The following CNTLN variants were observed in gnomAD, a reference collection of about 807,000 sequenced individuals.
The protein encoded by CNTLN is centlein, centrosomal protein.
Under a neutral mutation model 180.0 loss-of-function variants are expected in CNTLN, and 212 were observed. That is an observed-to-expected ratio of 1.18 (90% confidence interval 1.05 to 1.32). The LOEUF is 1.32. Ranked by LOEUF, CNTLN falls within the 40% of genes most tolerant of loss-of-function variation. The pLI is 0.00. For missense variants in CNTLN, 2,095 were observed against 1,610.9 expected (o/e 1.30, Z -5.14); for synonymous variants, 722 against 563.1 (o/e 1.28, Z -3.99).
chr9:17,314,173 A>G (rs1047410739), intron 8 of CNTLN, among the ~76,000 whole-genome samples: 1 of 152,230 alleles, frequency 6.6e-6, no homozygotes, highest in Non-Finnish European at 1.5e-5. Context: ...TATTCTGCAA[A>G]TATAAGTCCT....
chr9:17,187,324 CA>C (rs1388814428), intron 2 of CNTLN, among the ~76,000 whole-genome samples: 1 of 151,988 alleles, frequency 6.6e-6, no homozygotes, highest in African/African-American at 2.4e-5. Flanking sequence ...AAGTGGCTGC[CA>C]ATATTCCTTC....
At chr9:17,359,011 C>T (rs975337185) in intron 12 of CNTLN, among the ~76,000 whole-genome samples, 1 of 151,328 alleles carries the variant, frequency 6.6e-6, no homozygotes, top group Non-Finnish European at 1.5e-5. Flanking sequence ...CTCTCCTCTC[C>T]CCTCCCCTCC....
intron 23 of CNTLN, among the ~76,000 whole-genome samples, chr9:17,472,692 A>G (rs1178509708): frequency 6.6e-6 from 1 of 152,146 alleles, no homozygotes; most frequent in Non-Finnish European, 1.5e-5. Context: ...CATTGGGAAG[A>G]AAAATCTCAT....
chr9:17,230,576 T>C (rs750296211), intron 3 of CNTLN, among the ~76,000 whole-genome samples: 6 of 151,954 alleles, frequency 3.9e-5, no homozygotes, highest in Admixed American at 1.3e-4. Context: ...ATTTCCCTTT[T>C]CCAAGTTGGT....
At position 17,415,949 on chromosome 9, in the gene CNTLN, A is replaced by G. The variant is rs775841235; in HGVS notation, c.2891-17A>G. On this transcript the variant is annotated splice_polypyrimidine_tract_variant and intron_variant, in intron 17 of 25. Coordinates refer to ENST00000380647, the MANE Select transcript of CNTLN (RefSeq NM_017738.4). ...AAATCTAATTTTTAAAATATGAACA[A>G]TATTGTTTTTATGTAGTCAACAGAG... 28 of 1,593,424 alleles carry G rather than the reference A, an allele frequency of 1.8e-5. 1 individual carries two copies. The Middle Eastern group carries it at 8.4e-4, about 48-fold the overall frequency.
At chr9:17,215,674 C>G (rs906972305) in intron 2 of CNTLN, among the ~76,000 whole-genome samples, 1 of 152,106 alleles carries the variant, frequency 6.6e-6, no homozygotes, top group Non-Finnish European at 1.5e-5. Flanking sequence ...GGCTGGCAGG[C>G]CTCCTTGAAC....
chr9:17,270,226 A>G lies in CNTLN; in HGVS notation c.850-3507A>G, dbSNP rs540389767. Among the ~76,000 whole-genome samples, 7 of 152,268 alleles carry G rather than the reference A, an allele frequency of 4.6e-5. No homozygotes were observed. In the East Asian group the frequency reaches 1.4e-3, roughly 29 times the overall value. ...TTGATTTTTTAATGAACATTTCACC[A>G]TTAATTATGATATTTGCTGATTTTT... On this transcript the variant is annotated intron_variant, in intron 5 of 25. Transcript: ENST00000380647.
chr9:17,463,900 C>T (rs564643374), intron 20 of CNTLN, among the ~76,000 whole-genome samples: 77 of 149,962 alleles, frequency 5.1e-4, no homozygotes, highest in Non-Finnish European at 8.8e-4. Flanking sequence ...TGTAAGCCTT[C>T]GATACATGTT....
chr9:17,493,676 C>T (rs988842419), intron 25 of CNTLN, among the ~76,000 whole-genome samples: 16 of 152,064 alleles, frequency 1.1e-4, no homozygotes, highest in African/African-American at 1.7e-4. Context: ...GAACAAGATA[C>T]GTGAAGCACA....
chr9:17,280,776 A>G (rs1030260646), intron 6 of CNTLN, among the ~76,000 whole-genome samples: 4 of 152,300 alleles, frequency 2.6e-5, no homozygotes, highest in African/African-American at 9.6e-5. Flanking sequence ...TTTGTTGTTC[A>G]TACCATCCCC....
intron 9 of CNTLN, among the ~76,000 whole-genome samples, chr9:17,332,113 C>CAT (rs1820685098): frequency 1.3e-5 from 2 of 151,960 alleles, no homozygotes; most frequent in African/African-American, 4.8e-5. Flanking sequence ...AGTTAATGAC[C>CAT]ATATGGTCAT....
Position 17,166,771 on chromosome 9 carries a change from C to T in CNTLN, c.449+23395C>T, listed in dbSNP as rs143170291. On this transcript the variant is annotated intron_variant, in intron 2 of 25. Transcript: ENST00000380647. ...ATCAAGTTTAAAGTAATAATAAAGA[C>T]GTTTTCTGTAACACATGGTCTCACA... is the stretch of plus-strand genomic sequence containing the variant. The T allele has an allele frequency of 5.6e-3, 1,666 of 298,228 alleles. 27 individuals carry two copies. The highest frequency in any genetic ancestry group is 0.036 in the African/African-American group (1,554 of 43,002). 18.5% of individuals were successfully genotyped at this position (298,228 alleles called of 1,614,324 possible).
At chr9:17,453,921 G>T (rs1318162) in intron 18 of CNTLN, among the ~76,000 whole-genome samples, 1 of 152,004 alleles carries the variant, frequency 6.6e-6, no homozygotes, top group Non-Finnish European at 1.5e-5. Context: ...CAGGACCAGA[G>T]AAGAAAAGCT....
intron 3 of CNTLN, among the ~76,000 whole-genome samples, chr9:17,230,699 C>G (rs1757191898): frequency 6.6e-6 from 1 of 151,984 alleles, no homozygotes; most frequent in Non-Finnish European, 1.5e-5. Flanking sequence ...AAGATGGTTA[C>G]TTTCTCCCTC....
intron 8 of CNTLN, among the ~76,000 whole-genome samples, chr9:17,316,085 T>C (rs1403386757): frequency 6.6e-6 from 1 of 152,026 alleles, no homozygotes; most frequent in Non-Finnish European, 1.5e-5. Flanking sequence ...TCTTTAATTC[T>C]ATCAGGTTTT....
intron 2 of CNTLN, among the ~76,000 whole-genome samples, chr9:17,161,835 G>A (rs1210642264): frequency 1.3e-5 from 2 of 152,170 alleles, no homozygotes; most frequent in African/African-American, 4.8e-5. Flanking sequence ...GTGAATTACT[G>A]TGTTTCTTTG....
At chr9:17,398,673 C>CGCCT (rs1431846465) in intron 15 of CNTLN, among the ~76,000 whole-genome samples, 3 of 151,974 alleles carry the variant, frequency 2.0e-5, no homozygotes, top group African/African-American at 7.3e-5. Flanking sequence ...TTTTATTTGC[C>CGCCT]GCCTGCAAAC....
intron 2 of CNTLN, among the ~76,000 whole-genome samples, chr9:17,165,443 G>T (rs767283857): frequency 3.3e-5 from 5 of 152,140 alleles, no homozygotes; most frequent in Non-Finnish European, 7.4e-5. Context: ...TTGATAAGTG[G>T]TAACTGACTT....
intron 19 of CNTLN, among the ~76,000 whole-genome samples, chr9:17,459,933 G>A (rs1831356637): frequency 6.6e-6 from 1 of 151,608 alleles, no homozygotes; most frequent in Admixed American, 6.6e-5. Context: ...AATTTGTTTA[G>A]GGGAAACAGA....
Sources: gnomAD v4.1 joint callset for allele counts (sites outside exome capture counted in the v4.1 genomes callset) on GRCh38, gnomAD v4.1.1 for gene constraint, MANE v1.5 for transcripts, NCBI Gene and HGNC (gene_info 2026-07-23, HGNC 2026-07-21) for gene names.